CORO2B: variants seen among roughly 807,000 people sequenced by gnomAD.
CORO2B encodes coronin 2B, also known as coronin-2B.
In CORO2B, 26 loss-of-function variants were observed where a neutral mutation model predicts 58.8. That is an observed-to-expected ratio of 0.44 (90% CI 0.32 to 0.61). CORO2B has a LOEUF of 0.61. Ranked by LOEUF, CORO2B falls within the 20% of genes least tolerant of loss-of-function variation. The pLI, the probability that CORO2B is intolerant of heterozygous loss-of-function variation, is 0.04. For synonymous variants in CORO2B, 242 were observed against 253.8 expected (o/e 0.95, Z 0.44); for missense variants, 460 against 645.1 (o/e 0.71, Z 3.11).
intron 3 of CORO2B, 102 bp downstream of exon 3, chr15:68,695,358 C>A: frequency 2.5e-6 from 2 of 814,994 alleles, no homozygotes; most frequent in South Asian, 1.5e-5. Context: ...CTTTGCCCTT[C>A]TTCCCTCCTC....
chr15:68,593,078 A>G (rs1253593182), intron 1 of CORO2B, among the ~76,000 whole-genome samples: 1 of 152,162 alleles, frequency 6.6e-6, no homozygotes, highest in Admixed American at 6.5e-5. Context: ...AGACAGAGAG[A>G]GGAAATTGGG....
At chr15:68,711,447 G>T (rs76688712) in intron 4 of CORO2B, 95 bp from the exon 5 acceptor site, 7 of 1,100,104 alleles carry the variant, frequency 6.4e-6, no homozygotes, top group Non-Finnish European at 7.7e-6. Context: ...CCTGCATGGG[G>T]CGCTTCTCCC....
the CORO2B span, among the ~76,000 whole-genome samples, chr15:68,544,911 G>A: frequency 3.3e-5 from 5 of 152,054 alleles, no homozygotes; most frequent in Admixed American, 1.3e-4. Context: ...CGAGTAGCTG[G>A]GACTACAGGC....
At chr15:68,589,798 C>G (rs1051687815) in intron 1 of CORO2B, among the ~76,000 whole-genome samples, 2 of 152,204 alleles carry the variant, frequency 1.3e-5, no homozygotes, top group African/African-American at 4.8e-5. Flanking sequence ...ACTTGGCTCC[C>G]CAAGTGACCA....
intron 2 of CORO2B, among the ~76,000 whole-genome samples, chr15:68,653,594 A>G (rs145842063): frequency 1.1e-3 from 160 of 152,240 alleles, no homozygotes; most frequent in Non-Finnish European, 1.8e-3. Flanking sequence ...AAGCCCTTAG[A>G]ACGATATTGC....
intron 1 of CORO2B, among the ~76,000 whole-genome samples, chr15:68,590,310 T>C (rs1201769840): frequency 6.6e-6 from 1 of 152,002 alleles, no homozygotes; most frequent in African/African-American, 2.4e-5. Context: ...CCTTTGCTTT[T>C]TGAAGAGCCC....
Position 68,668,210 on chromosome 15 carries a change from G to A in CORO2B, c.216+22850G>A, listed in dbSNP as rs148779784. On this transcript the variant is annotated intron_variant, in intron 2 of 11. Transcript: ENST00000261861. The stretch of plus-strand genomic sequence containing the variant: ...TGACACACAGTGAGCCTCGGTCAGC[G>A]AGAGGGCCTAGGTCATCTGCCCCAC... Among the ~76,000 whole-genome samples the A allele has an allele frequency of 5.4e-3, 827 of 152,332 alleles. 3 individuals carry two copies. The highest frequency in any genetic ancestry group is 0.019 in the African/African-American group (779 of 41,570).
upstream of CORO2B, chr15:68,578,958 GC>G (rs1899341715): frequency 5.8e-6 from 1 of 171,256 alleles, no homozygotes; most frequent in Non-Finnish European, 8.6e-6. The surrounding 1 kb of genome is among the most constrained non-coding windows in gnomAD (Gnocchi z 4.2). Context: ...TCCTCCCCCC[GC>G]CCCCCAGCCC....
the CORO2B span, among the ~76,000 whole-genome samples, chr15:68,569,875 C>T: frequency 9.5e-4 from 145 of 152,314 alleles, no homozygotes; most frequent in African/African-American, 3.3e-3. Flanking sequence ...AAGGCTTGCC[C>T]AGGGAGTGGC....
the CORO2B span, among the ~76,000 whole-genome samples, chr15:68,541,236 AAT>A: frequency 6.6e-6 from 1 of 151,220 alleles, no homozygotes. Context: ...CCCTGTCTCA[AAT>A]AAAAAAAGGA....
chr15:68,552,480 G>GA, the CORO2B span, among the ~76,000 whole-genome samples: 2 of 147,356 alleles, frequency 1.4e-5, no homozygotes, highest in Non-Finnish European at 3.0e-5. Context: ...GGGGGGGTGG[G>GA]GGGGGCAGGG....
chr15:68,680,109 T>C (rs1230390110), intron 2 of CORO2B, among the ~76,000 whole-genome samples: 1 of 150,116 alleles, frequency 6.7e-6, no homozygotes, highest in African/African-American at 2.5e-5. Context: ...TGGCTATCCC[T>C]AAGAGGCAAG....
chr15:68,627,571 A>G (rs531893305), intron 1 of CORO2B, among the ~76,000 whole-genome samples: 1 of 152,334 alleles, frequency 6.6e-6, no homozygotes, highest in African/African-American at 2.4e-5. Flanking sequence ...GAGCCCGGCT[A>G]TAGCATAAGG....
the CORO2B span, among the ~76,000 whole-genome samples, chr15:68,531,128 C>T: frequency 6.6e-6 from 1 of 152,092 alleles, no homozygotes; most frequent in Non-Finnish European, 1.5e-5. Context: ...ACTCTCATTT[C>T]CCCCACCCAT....
At chr15:68,680,448 T>C (rs1239557499) in intron 2 of CORO2B, among the ~76,000 whole-genome samples, 1 of 152,164 alleles carries the variant, frequency 6.6e-6, no homozygotes, top group Non-Finnish European at 1.5e-5. Context: ...GACAGTGTCA[T>C]GGTTAGGCCC....
chr15:68,658,011 G>A (rs1901873805), intron 2 of CORO2B, among the ~76,000 whole-genome samples: 1 of 152,236 alleles, frequency 6.6e-6, no homozygotes, highest in Non-Finnish European at 1.5e-5. Flanking sequence ...TCACTCCTGT[G>A]GGGCTCCCCA....
chr15:68,531,593 AGAAG>A, the CORO2B span, among the ~76,000 whole-genome samples: 56 of 148,988 alleles, frequency 3.8e-4, no homozygotes, highest in South Asian at 8.5e-4. Context: ...AGAGAAAGAA[AGAAG>A]GAAGGAAGGA....
chr15:68,724,616 C>T (rs1224980398), intron 11 of CORO2B, among the ~76,000 whole-genome samples: 1 of 152,180 alleles, frequency 6.6e-6, no homozygotes, highest in Admixed American at 6.5e-5. Context: ...GTTTTTTTAG[C>T]ATCATCTTTA....
At chr15:68,573,216 A>G in the CORO2B span, among the ~76,000 whole-genome samples, 2 of 152,144 alleles carry the variant, frequency 1.3e-5, no homozygotes, top group African/African-American at 4.8e-5. Context: ...CCCCCATGCC[A>G]AAGTCGGCAT....
Sources: allele counts gnomAD v4.1 joint callset (sites outside exome capture counted in the v4.1 genomes callset), GRCh38; gene constraint gnomAD v4.1.1; non-coding constraint Gnocchi (gnomAD v3.1); transcripts MANE v1.5; gene names NCBI Gene and HGNC (gene_info 2026-07-23, HGNC 2026-07-21).